RFX3: variants seen among roughly 807,000 people sequenced by gnomAD.
RFX3 encodes the protein regulatory factor X3, also known as transcription factor RFX3.
A neutral mutation model predicts 98.6 loss-of-function variants in RFX3; 14 were observed. That is an observed-to-expected ratio of 0.14 (90% CI 0.09 to 0.22). The LOEUF (loss-of-function observed/expected upper bound fraction) is 0.22, where lower values mean the gene tolerates loss of function less well. Among genes scored for constraint, RFX3 ranks in the 10% least tolerant of loss-of-function variants. The probability of loss-of-function intolerance (pLI) is 1.00; values close to 1 mark genes in which losing one functional copy is unlikely to be tolerated. For missense variants in RFX3, 639 were observed against 926.9 expected, an observed-to-expected ratio of 0.69 and a Z score of 4.03; for synonymous variants, 383 against 328.4, an observed-to-expected ratio of 1.17 and a Z score of -1.80.
chr9:3,298,767 G>A (rs1449003839), intron 5 of RFX3, among the ~76,000 whole-genome samples: 1 of 151,726 alleles, frequency 6.6e-6, no homozygotes, highest in Non-Finnish European at 1.5e-5. Context: ...CTGCTGAGGG[G>A]ATTATTTATC....
chr9:3,514,276 T>C (rs748520678), intron 1 of RFX3, among the ~76,000 whole-genome samples: 4 of 152,166 alleles, frequency 2.6e-5, no homozygotes, highest in Non-Finnish European at 5.9e-5. Flanking sequence ...CAAAAATCAG[T>C]GCACAAAAAC....
At chr9:3,365,580 G>A (rs1836966652) in intron 2 of RFX3, among the ~76,000 whole-genome samples, 1 of 151,878 alleles carries the variant, frequency 6.6e-6, no homozygotes, top group Non-Finnish European at 1.5e-5. Context: ...CTCTAGCAAG[G>A]GTAAAGTTAA....
intron 1 of RFX3, among the ~76,000 whole-genome samples, chr9:3,401,517 G>T (rs1297674281): frequency 6.6e-6 from 1 of 152,172 alleles, no homozygotes; most frequent in Non-Finnish European, 1.5e-5. Context: ...TTCCTTCACA[G>T]CCTTCTTTCA....
rs115618557 is a variant in RFX3, at chr9:3,260,918, A to C, written c.1605+2017T>G. Among the ~76,000 whole-genome samples the C allele has an allele frequency of 5.7e-3, 858 of 150,406 alleles. 7 individuals are homozygous for C. The highest frequency in any genetic ancestry group is 0.017 in the African/African-American group (710 of 41,238). ...GATAGATATAGATCTCTCTCTCTATATATATATATATCTCAGAAGTTTGAA... is the reference window on the plus strand; with the variant it reads ...GATAGATATAGATCTCTCTCTCTATCTATATATATATCTCAGAAGTTTGAA... On this transcript the variant is annotated intron_variant, in intron 13 of 16. Transcript: ENST00000617270.
At chr9:3,236,083 T>C (rs72697078) in intron 15 of RFX3, among the ~76,000 whole-genome samples, 12,336 of 152,262 alleles carry the variant, frequency 0.081, 529 homozygotes, top group Middle Eastern at 0.11. Flanking sequence ...TTTTCCTCAA[T>C]TTTGTTTATG....
intron 6 of RFX3, among the ~76,000 whole-genome samples, chr9:3,290,075 G>GT: frequency 6.6e-6 from 1 of 151,858 alleles, no homozygotes; most frequent in South Asian, 2.1e-4. Flanking sequence ...ACAATTGTCA[G>GT]TTTTTTTACA....
At chr9:3,364,401 G>T in intron 2 of RFX3, 1 of 225,930 alleles carries the variant, frequency 4.4e-6, no homozygotes, top group South Asian at 6.3e-5. Context: ...TTACAAAATG[G>T]GCGGTCTTTT....
At chr9:3,309,029 C>A (rs372126130) in intron 4 of RFX3, among the ~76,000 whole-genome samples, 3 of 152,100 alleles carry the variant, frequency 2.0e-5, no homozygotes, top group Admixed American at 6.6e-5. Flanking sequence ...CAAAGTAGTA[C>A]GGTCACAAAT....
chr9:3,255,050 C>A (rs948360579), intron 14 of RFX3, among the ~76,000 whole-genome samples: 21 of 152,200 alleles, frequency 1.4e-4, no homozygotes, highest in Non-Finnish European at 2.6e-4. Context: ...GGCTTTCTTT[C>A]ATTGCATTTG....
chr9:3,459,531 G>C (rs1847496409), intron 1 of RFX3, among the ~76,000 whole-genome samples: 1 of 152,042 alleles, frequency 6.6e-6, no homozygotes, highest in South Asian at 2.1e-4. Flanking sequence ...TGGATGCAGT[G>C]AGCTAACTAA....
chr9:3,276,710 T>G (rs1307150637), intron 8 of RFX3, among the ~76,000 whole-genome samples: 1 of 151,980 alleles, frequency 6.6e-6, no homozygotes, highest in Non-Finnish European at 1.5e-5. Flanking sequence ...CTCTGATACC[T>G]TCTACTTATC....
rs1840763567 is a variant in RFX3, at chr9:3,395,490, T to C, written c.99A>G (p.Gln33=). The change falls in exon 2 of 17, where the codon CAA becomes CAG. Residue 33 remains glutamine, a synonymous_variant. Transcript: ENST00000617270. ...QAAVPTQVVQ[Q]VPVQQQVQQV... is the part of the protein sequence containing the mutation. The stretch of plus-strand genomic sequence containing the variant: ...TCCTTACCTGTTGTTGTACTGGTAC[T>C]TGCTGTACCACCTGCGTAGGCACTG... 6.2e-7 allele frequency: 1 copy of C among 1,613,964 alleles called. No individual in the cohort carries two copies. Among genetic ancestry groups the C allele is most frequent in the South Asian group, 1.1e-5 (1 of 91,078 alleles).
Position 3,330,294 on chromosome 9 carries a change from A to C in RFX3, c.439T>G (p.Ser147Ala). The C allele has an allele frequency of 6.2e-7, 1 of 1,614,110 alleles. No individual in the cohort carries two copies. Residue 147 changes from serine (S) to alanine (A), a missense_variant, in exon 4 of 17, where the codon TCA becomes GCA. Ser to Ala is a moderately conservative substitution (Grantham distance 99). Coordinates refer to ENST00000617270, the MANE Select transcript of RFX3 (RefSeq NM_001282116.2). ...IGNSMENSGH[S>A]VTHTTRASPA... ...GAGGCCCGAGTTGTGTGTGTCACTG[A>C]GTGACCAGAATTCTCCATTGAGTTG...
At chr9:3,446,772 A>C (rs1369762589) in intron 1 of RFX3, among the ~76,000 whole-genome samples, 3 of 152,016 alleles carry the variant, frequency 2.0e-5, no homozygotes, top group African/African-American at 4.8e-5. Flanking sequence ...TTTTGGTTTG[A>C]GGGGCTTCTT....
In RFX3 at chr9:3,218,342, A is replaced by G. The variant is rs1221994243; in HGVS notation, c.*6700T>C. 1.3e-5 allele frequency: 2 copies of G among 152,188 alleles called. No homozygotes were observed. The allele number at this position is 152,188 out of a possible 1,614,324, so 9.4% of individuals were successfully genotyped here. On this transcript the variant is annotated 3_prime_UTR_variant, in exon 17 of 17. Transcript: ENST00000617270. ...ATTTATTGATTTTAAAAGACAAGAC[A>G]CCATTTTGTTTTGAAAAACACAAGA...
intron 14 of RFX3, among the ~76,000 whole-genome samples, chr9:3,253,109 C>T (rs371742590): frequency 1.3e-5 from 2 of 152,094 alleles, no homozygotes; most frequent in African/African-American, 4.8e-5. Flanking sequence ...GAGTTGTAAA[C>T]GTTAATTATT....
intron 1 of RFX3, among the ~76,000 whole-genome samples, chr9:3,467,322 G>C (rs1007257195): frequency 1.6e-4 from 24 of 147,788 alleles, no homozygotes; most frequent in African/African-American, 5.7e-4. Context: ...ATATGTGTGT[G>C]TGTATGTACG....
intron 2 of RFX3, among the ~76,000 whole-genome samples, chr9:3,383,737 A>T (rs975328433): frequency 6.6e-6 from 1 of 152,168 alleles, no homozygotes; most frequent in South Asian, 2.1e-4. Context: ...ACTGATGTCA[A>T]CACAAGTTTT....
chr9:3,391,093 T>C (rs1481486724), intron 2 of RFX3, among the ~76,000 whole-genome samples: 1 of 152,206 alleles, frequency 6.6e-6, no homozygotes, highest in African/African-American at 2.4e-5. Context: ...GACATCAATA[T>C]CATGATTTCT....
Sources: gnomAD v4.1 joint callset for allele counts (sites outside exome capture counted in the v4.1 genomes callset) on GRCh38, gnomAD v4.1.1 for gene constraint, MANE v1.5 for transcripts, NCBI Gene and HGNC (gene_info 2026-07-23, HGNC 2026-07-21) for gene names.